The following CD6 variants were observed in gnomAD, a reference collection of about 807,000 sequenced individuals.
The protein encoded by CD6 is CD6 molecule.
CD6 carries 53 observed loss-of-function variants against 75.3 expected under a neutral mutation model. The ratio of observed to expected loss-of-function variants is 0.70; its 90% CI spans 0.56 to 0.88. The LOEUF is 0.88. Among genes scored for constraint, CD6 ranks in the 40% least tolerant of loss-of-function variants. CD6 has a pLI of 0.00. For missense variants in CD6, 770 were observed against 897.1 expected, an observed-to-expected ratio of 0.86 and a Z score of 1.81; for synonymous variants, 359 against 381.5, an observed-to-expected ratio of 0.94 and a Z score of 0.69.
At chr11:61,000,883 G>A (rs763180451) in intron 1 of CD6, among the ~76,000 whole-genome samples, 11 of 152,206 alleles carry the variant, frequency 7.2e-5, no homozygotes, top group East Asian at 1.9e-4. Context: ...TGTCCCACTC[G>A]GGGACTTCTG....
intron 5 of CD6, 52 bp from the exon 6 acceptor site, chr11:61,011,018 C>A: frequency 6.6e-7 from 1 of 1,519,606 alleles, no homozygotes; most frequent in Non-Finnish European, 9.1e-7. Context: ...GCCTGGCACA[C>A]AGTAGGTGCT....
chr11:60,982,266 C>A (rs1028527985), intron 1 of CD6, among the ~76,000 whole-genome samples: 4 of 152,092 alleles, frequency 2.6e-5, no homozygotes, highest in Non-Finnish European at 4.4e-5. Flanking sequence ...AGCCCTGTGG[C>A]AGGGAGAAGG....
chr11:61,017,250 G>T (rs1859443223), intron 9 of CD6: 1 of 558,934 alleles, frequency 1.8e-6, no homozygotes, highest in East Asian at 2.9e-5. Flanking sequence ...GGGCTGGGGG[G>T]TTGTAGGGCA....
chr11:60,978,856 A>G (rs948585169), intron 1 of CD6, among the ~76,000 whole-genome samples: 1 of 152,254 alleles, frequency 6.6e-6, no homozygotes, highest in African/African-American at 2.4e-5. Context: ...AAAGTGTACA[A>G]GTTAATGTAG....
In CD6 at chr11:61,008,650, C is replaced by T. The variant is rs780235835; in HGVS notation, c.586C>T (p.His196Tyr). 9 of 1,608,412 alleles carry T rather than the reference C, an allele frequency of 5.6e-6. No homozygotes were observed. The South Asian group carries it at 1.0e-4, about 18-fold the overall frequency. ...TGACACTTGGGACCTGGAGGACGCC[C>T]ACGTGGTGTGCAGGCAACTGGGCTG... ...CDDTWDLEDA[H>Y]VVCRQLGCGW... The change falls in exon 4 of 13, where the codon CAC (histidine) becomes TAC (tyrosine). Residue 196 changes from histidine to tyrosine, a missense_variant. Transcript: ENST00000313421.
chr11:61,013,825 G>A, intron 7 of CD6, 94 bp from the exon 8 acceptor site: 1 of 862,936 alleles, frequency 1.2e-6, no homozygotes, highest in Non-Finnish European at 1.8e-6. Flanking sequence ...GGGGGAATGA[G>A]GAGGGTGGTG....
rs370187400 is a variant in CD6 at position 61,017,835 on chromosome 11, C to A, written c.1659C>A (p.Gly553=). ...GCATTACAGACCCGCCATCCCTGGGCCCTCAGTATCACCCGAGGAGCAACA... is the reference window on the plus strand; with the variant it reads ...GCATTACAGACCCGCCATCCCTGGGACCTCAGTATCACCCGAGGAGCAACA... ...GHCITDPPSL[G]PQYHPRSNSE... is the part of the protein sequence containing the mutation. The change falls in exon 11 of 13, where the codon GGC becomes GGA. Residue 553 remains glycine, a synonymous_variant. Coordinates refer to ENST00000313421, the MANE Select transcript of CD6 (RefSeq NM_006725.5). The A allele has an allele frequency of 1.9e-6, 3 of 1,614,066 alleles. No individual in the cohort carries two copies. The highest frequency in any genetic ancestry group is 2.5e-6 in the Non-Finnish European group (3 of 1,179,968).
intron 1 of CD6, among the ~76,000 whole-genome samples, chr11:61,000,854 A>G (rs995515216): frequency 6.6e-6 from 1 of 152,032 alleles, no homozygotes; most frequent in African/African-American, 2.4e-5. Flanking sequence ...TCTTCTTCCC[A>G]CTACCCCATT....
chr11:60,990,127 A>G (rs1858002585), intron 1 of CD6, among the ~76,000 whole-genome samples: 1 of 152,250 alleles, frequency 6.6e-6, no homozygotes, highest in Admixed American at 6.5e-5. Context: ...ACCTTCAAAG[A>G]TAACTGTTGT....
chr11:61,015,671 G>T (rs370849228), intron 8 of CD6, 42 bp from the exon 9 acceptor site: 1 of 1,611,040 alleles, frequency 6.2e-7, no homozygotes, highest in Non-Finnish European at 8.5e-7. Flanking sequence ...ACACCTTTCC[G>T]CCCACCACTT....
At chr11:60,989,984 A>G (rs543555919) in intron 1 of CD6, among the ~76,000 whole-genome samples, 3 of 152,328 alleles carry the variant, frequency 2.0e-5, no homozygotes, top group Non-Finnish European at 2.9e-5. Context: ...AAGGTTTTTC[A>G]TATATGCTTT....
intron 10 of CD6, 58 bp from the exon 11 acceptor site, chr11:61,017,701 C>A: frequency 6.2e-7 from 1 of 1,609,918 alleles, no homozygotes; most frequent in Non-Finnish European, 8.5e-7. Context: ...TGAAGTCTGA[C>A]TTAAAGCCCT....
chr11:60,992,687 G>A (rs998317188), intron 1 of CD6, among the ~76,000 whole-genome samples: 2 of 152,050 alleles, frequency 1.3e-5, no homozygotes, highest in Non-Finnish European at 2.9e-5. Flanking sequence ...AATTAGCCGA[G>A]CATGGTGGCG....
rs1014342980 is a variant in CD6, at chr11:61,011,092, G to C, written c.1107G>C (p.Leu369=). Residue 369 remains leucine, a synonymous_variant, in exon 6 of 13, where the codon CTG becomes CTC. Coordinates refer to ENST00000313421, the MANE Select transcript of CD6 (RefSeq NM_006725.5). ...CAGCTTCCCGGAGTTTGCACAATCT[G>C]TCCACTCCCGAAGTCCCTGCAAGTG... ...LCSASRSLHN[L]STPEVPASVQ... 3 of 1,614,056 alleles carry C rather than the reference G, an allele frequency of 1.9e-6. No individual in the cohort carries two copies. Among genetic ancestry groups the C allele is most frequent in the Non-Finnish European group, 2.5e-6 (3 of 1,180,006 alleles).
Position 61,007,415 on chromosome 11 carries a change from C to T in CD6, c.119-145C>T. The T allele has an allele frequency of 1.7e-6, 1 of 591,128 alleles. No homozygotes were observed. Among genetic ancestry groups the T allele is most frequent in the Non-Finnish European group, 2.7e-6 (1 of 372,960 alleles). 36.6% of individuals were successfully genotyped at this position (591,128 alleles called of 1,614,324 possible). A position where few individuals can be genotyped will look rare whatever the true frequency, so the allele number is the denominator to read the frequency against. ...CAAGGTGGGCTCAGGGATGAGCCAG[C>T]CCGGCTCCATTTTGCAGACTGGAAA... On this transcript the variant is annotated intron_variant, in intron 2 of 12. Transcript: ENST00000313421. The surrounding 1 kb of genome is among the most constrained non-coding windows in gnomAD (Gnocchi z 4.2).
At chr11:61,005,941 A>AAAAG (rs1554995700) in intron 1 of CD6, among the ~76,000 whole-genome samples, 2 of 151,208 alleles carry the variant, frequency 1.3e-5, no homozygotes, top group Non-Finnish European at 2.9e-5. Context: ...CAAAAAAAAA[A>AAAAG]AAAGAAAGAA....
intron 1 of CD6, among the ~76,000 whole-genome samples, chr11:61,004,860 C>T (rs1446859498): frequency 3.3e-5 from 5 of 152,202 alleles, no homozygotes; most frequent in Non-Finnish European, 5.9e-5. Flanking sequence ...ACAGGGAAGA[C>T]GTAAATGGAA....
chr11:60,972,007 T>C (rs1482759355), intron 1 of CD6, 93 bp downstream of exon 1: 1 of 1,320,296 alleles, frequency 7.6e-7, no homozygotes, highest in Non-Finnish European at 1.1e-6. Flanking sequence ...TTGTGGTCAC[T>C]TTTCTAGGAT....
intron 1 of CD6, among the ~76,000 whole-genome samples, chr11:60,980,865 TGAAA>T (rs998502785): frequency 6.1e-4 from 92 of 151,830 alleles, no homozygotes; most frequent in African/African-American, 1.8e-3. Flanking sequence ...TTAATTAAAT[TGAAA>T]GAAAGACCCA....
Sources: gnomAD v4.1 joint callset for allele counts (sites outside exome capture counted in the v4.1 genomes callset) on GRCh38, gnomAD v4.1.1 for gene constraint, Gnocchi (gnomAD v3.1) non-coding constraint, MANE v1.5 for transcripts, NCBI Gene and HGNC (gene_info 2026-07-23, HGNC 2026-07-21) for gene names.